Variants in ZIM2 observed in about 807,000 individuals in gnomAD.
The protein encoded by ZIM2 is zinc finger imprinted 2.
ZIM2 carries 14 observed loss-of-function variants against 38.6 expected under a neutral mutation model. The observed-to-expected ratio is 0.36, with a 90% CI of 0.24 to 0.57. The LOEUF is 0.57. Ranked by LOEUF, ZIM2 falls within the 20% of genes least tolerant of loss-of-function variation. The pLI, the probability that ZIM2 is intolerant of heterozygous loss-of-function variation, is 0.81. For missense variants in ZIM2, 680 were observed against 695.1 expected (o/e 0.98, Z 0.24); for synonymous variants, 247 against 245.8 (o/e 1.00, Z -0.04).
chr19:56,774,652 ATGT>A lies in ZIM2; in HGVS notation c.*33_*35del, dbSNP rs760954255. 2.5e-6 allele frequency: 4 copies of A among 1,594,266 alleles called. No individual in the cohort carries two copies. In the Admixed American group the frequency reaches 6.8e-5, roughly 27 times the overall value. On this transcript the variant is annotated 3_prime_UTR_variant, in exon 13 of 13. Transcript: ENST00000629319. ...ACAACACTCTAGGAGGAAGCCAATAATGTTGAGAAAAGTGTGTGCTGTGACTAA... is the reference window on the plus strand; with the variant it reads ...ACAACACTCTAGGAGGAAGCCAATAATGAGAAAAGTGTGTGCTGTGACTAA...
intron 9 of ZIM2, among the ~76,000 whole-genome samples, chr19:56,797,280 C>T (rs2047278806): frequency 6.6e-6 from 1 of 151,576 alleles, no homozygotes; most frequent in African/African-American, 2.4e-5. Context: ...CCAGCCTGGG[C>T]AACAGAGTGA....
At chr19:56,795,495 A>G (rs572483234) in intron 9 of ZIM2, among the ~76,000 whole-genome samples, 20 of 152,326 alleles carry the variant, frequency 1.3e-4, no homozygotes, top group African/African-American at 4.3e-4. Flanking sequence ...GGCCTGGCTG[A>G]ACGTCTCCAC....
rs28524173 is a variant in ZIM2, at chr19:56,816,845, C to A, written c.490+901G>T. The A allele has an allele frequency of 2.0e-3, 3,234 of 1,614,124 alleles. 60 individuals carry two copies. In the African/African-American group the frequency reaches 0.035, roughly 18 times the overall value. ...TCACATTCCTGATTCTTACATTCCA[C>A]AAGATAACCTCTAGCATGAATCTTC... is the stretch of plus-strand genomic sequence containing the variant. On this transcript the variant is annotated intron_variant, in intron 9 of 12. Coordinates refer to ENST00000629319, the MANE Select transcript of ZIM2 (RefSeq NM_001387356.1).
chr19:56,775,517 T>C lies in ZIM2; in HGVS notation c.848A>G (p.Asp283Gly), dbSNP rs748925617. 1.9e-6 allele frequency: 3 copies of C among 1,609,748 alleles called. No individual in the cohort carries two copies. The African/African-American group carries it at 4.0e-5, about 22-fold the overall frequency. Residue 283 changes from aspartate (D) to glycine (G), a missense_variant, in exon 13 of 13, where the codon GAT becomes GGT. Physicochemically the swap from Asp to Gly is moderately conservative, Grantham distance 94 (BLOSUM62 -1). Transcript: ENST00000629319. ...GCCCTGGTGTGGTTCCAATGGATCA[T>C]CATGAGACTCTCCTGCAGAGACAAT... ...HTVICQGESHDDPLEPHQGNQ... is the reference protein window; with the variant it reads ...HTVICQGESHGDPLEPHQGNQ...
At position 56,836,037 on chromosome 19, in the gene ZIM2, G is replaced by A. The variant is rs780681920; in HGVS notation, c.-246C>T. On this transcript the variant is annotated 5_prime_UTR_variant, in exon 2 of 13. The change creates a new upstream start codon in the 5' untranslated region. Transcript: ENST00000629319. ...ACTCACCTGGACCCAGCCACCTAGC[G>A]TTTGGACCTAGTCCCTCTTCCTCTC... 2.0e-5 allele frequency: 10 copies of A among 511,776 alleles called. No individual in the cohort carries two copies. The highest frequency in any genetic ancestry group is 1.2e-4 in the African/African-American group (6 of 51,976). The allele number at this position is 511,776 out of a possible 1,614,324, so 31.7% of individuals were successfully genotyped here. A position where few individuals can be genotyped will look rare whatever the true frequency, so the allele number is the denominator to read the frequency against.
chr19:56,814,861 T>C lies in ZIM2; in HGVS notation c.490+2885A>G. ...GGCAATAAAACCATCATCACACCCC[T>C]TCATGGAATACAACTGGTCTTGTTC... On this transcript the variant is annotated intron_variant, in intron 9 of 12. Coordinates refer to ENST00000629319, the MANE Select transcript of ZIM2 (RefSeq NM_001387356.1). This position sits in a 1 kb window ranked among gnomAD's most constrained non-coding sequence, Gnocchi z 5.8. The C allele has an allele frequency of 6.2e-7, 1 of 1,614,154 alleles. No homozygotes were observed. Among genetic ancestry groups the C allele is most frequent in the Non-Finnish European group, 8.5e-7 (1 of 1,180,030 alleles).
intron 2 of ZIM2, among the ~76,000 whole-genome samples, chr19:56,829,263 G>C (rs1253004701): frequency 6.6e-6 from 1 of 151,080 alleles, no homozygotes; most frequent in African/African-American, 2.4e-5. Context: ...AGAATCACTT[G>C]GACCCAGGAG....
At chr19:56,793,764 G>C (rs2145935648) in intron 9 of ZIM2, among the ~76,000 whole-genome samples, 1 of 152,186 alleles carries the variant, frequency 6.6e-6, no homozygotes, top group Non-Finnish European at 1.5e-5. Flanking sequence ...TTGTATATTG[G>C]AATGCTAAAC....
Position 56,814,921 on chromosome 19 carries a change from T to A in ZIM2, c.490+2825A>T, listed in dbSNP as rs1162692606. On this transcript the variant is annotated intron_variant, in intron 9 of 12. Transcript: ENST00000629319. This position sits in a 1 kb window ranked among gnomAD's most constrained non-coding sequence, Gnocchi z 5.8. ...CTGATGCTCGAAAAGGAATGAGCTA[T>A]GAATAAAAGATTCCCCACACTTTGG... The A allele has an allele frequency of 6.2e-7, 1 of 1,614,200 alleles. No homozygotes were observed. Among genetic ancestry groups the A allele is most frequent in the Non-Finnish European group, 8.5e-7 (1 of 1,180,030 alleles).
chr19:56,821,810 C>T (rs1046583306), intron 6 of ZIM2, 56 bp from the exon 7 acceptor site: 4 of 1,595,028 alleles, frequency 2.5e-6, no homozygotes, highest in Non-Finnish European at 2.6e-6. Context: ...CTGCAGGTCC[C>T]AGGTTTGTCC....
At chr19:56,786,119 A>G (rs2046588506) in intron 10 of ZIM2, among the ~76,000 whole-genome samples, 1 of 152,174 alleles carries the variant, frequency 6.6e-6, no homozygotes, top group African/African-American at 2.4e-5. Flanking sequence ...GATTCTGGAT[A>G]TTTCATAAAA....
At chr19:56,789,660 T>C (rs1018238411) in intron 10 of ZIM2, among the ~76,000 whole-genome samples, 2 of 151,582 alleles carry the variant, frequency 1.3e-5, no homozygotes, top group Non-Finnish European at 2.9e-5. Flanking sequence ...GGAAGGAGGA[T>C]AAAAGAGTCA....
rs1254579811 is a variant in ZIM2 at position 56,821,745 on chromosome 19, G to A, written c.200C>T (p.Pro67Leu). 22 of 1,613,912 alleles carry A rather than the reference G, an allele frequency of 1.4e-5. No individual in the cohort carries two copies. Among genetic ancestry groups the A allele is most frequent in the East Asian group, 2.2e-5 (1 of 44,868 alleles). The change falls in exon 7 of 13, where the codon CCG (proline) becomes CTG (leucine). Residue 67 changes from proline to leucine, a missense_variant. Coordinates refer to ENST00000629319, the MANE Select transcript of ZIM2 (RefSeq NM_001387356.1). ...CACCACAGGAAGGGAAAGATCCCGCGGAGGCATCCCTGGGAAGAAAAAAGG... is the reference window on the plus strand; with the variant it reads ...CACCACAGGAAGGGAAAGATCCCGCAGAGGCATCCCTGGGAAGAAAAAAGG... The part of the protein sequence containing the change: ...HTRNPRSRMP[P>L]RDLSLPVVAK...
Position 56,775,549 on chromosome 19 carries a change from A to G in ZIM2, c.836-20T>C, listed in dbSNP as rs748516324. 8.9e-6 allele frequency: 14 copies of G among 1,576,010 alleles called. No homozygotes were observed. The highest frequency in any genetic ancestry group is 8.6e-7 in the Non-Finnish European group (1 of 1,162,758). ...ACTCTCCTGCAGAGACAATGCCAGA[A>G]GTTACCTACCGCCCAATTATCCAAT... On this transcript the variant is annotated intron_variant, in intron 12 of 12. Coordinates refer to ENST00000629319, the MANE Select transcript of ZIM2 (RefSeq NM_001387356.1).
intron 9 of ZIM2, among the ~76,000 whole-genome samples, chr19:56,794,802 C>T (rs751577301): frequency 1.3e-5 from 2 of 152,192 alleles, no homozygotes; most frequent in Non-Finnish European, 2.9e-5. Context: ...ATTTTTTGGA[C>T]AAGGAGCCCC....
intron 5 of ZIM2, 45 bp downstream of exon 5, chr19:56,823,545 C>G (rs539549964): frequency 6.2e-7 from 1 of 1,612,268 alleles, no homozygotes; most frequent in South Asian, 1.1e-5. Flanking sequence ...CTGGAAGCAT[C>G]TGGCAGCGCC....
intron 1 of ZIM2, among the ~76,000 whole-genome samples, chr19:56,836,580 G>C (rs2062131277): frequency 6.6e-6 from 1 of 152,206 alleles, no homozygotes; most frequent in Admixed American, 6.5e-5. Flanking sequence ...CAATCAATTA[G>C]AGGTCCCTGG....
At chr19:56,815,170 C>A (rs1289388025) in intron 9 of ZIM2, 1 of 1,613,938 alleles carries the variant, frequency 6.2e-7, no homozygotes, top group South Asian at 1.1e-5. Context: ...CATGTCTGAG[C>A]CTTGAATGAC....
intron 7 of ZIM2, among the ~76,000 whole-genome samples, chr19:56,819,808 A>G (rs1416711434): frequency 6.6e-6 from 1 of 152,172 alleles, no homozygotes; most frequent in African/African-American, 2.4e-5. Context: ...TAAATCTACC[A>G]TAGTTCTATT....
Sources: allele counts gnomAD v4.1 joint callset (sites outside exome capture counted in the v4.1 genomes callset), GRCh38; gene constraint gnomAD v4.1.1; non-coding constraint Gnocchi (gnomAD v3.1); transcripts MANE v1.5; gene names NCBI Gene and HGNC (gene_info 2026-07-23, HGNC 2026-07-21).